FNIP1: variants seen among roughly 807,000 people sequenced by gnomAD.
FNIP1 encodes folliculin interacting protein 1.
Under a neutral mutation model 124.5 loss-of-function variants are expected in FNIP1, and 40 were observed. The observed-to-expected ratio is 0.32, with a 90% confidence interval of 0.25 to 0.42. The LOEUF is 0.42. Among genes scored for constraint, FNIP1 ranks in the 10% least tolerant of loss-of-function variants. The pLI, the probability that FNIP1 is intolerant of heterozygous loss-of-function variation, is 1.00. For missense variants in FNIP1, 1,176 were observed against 1,403.7 expected (o/e 0.84, Z 2.59); for synonymous variants, 472 against 470.6 (o/e 1.00, Z -0.04).
intron 1 of FNIP1, among the ~76,000 whole-genome samples, chr5:131,783,575 T>C (rs941091662): frequency 1.3e-5 from 2 of 152,078 alleles, no homozygotes; most frequent in Non-Finnish European, 2.9e-5. Context: ...AGAACTAAAA[T>C]GTCTCCAGAT....
In FNIP1 at chr5:131,672,255, T is replaced by C. The variant is rs185558164; in HGVS notation, c.2189A>G (p.Glu730Gly). Residue 730 changes from glutamate to glycine, a missense_variant, in exon 14 of 18, where the codon GAA becomes GGA. By Grantham distance (98) the Glu-to-Gly change is moderately conservative. Transcript: ENST00000510461. ...CACAATCTTATCTGGAGGTTTTTTTTCCACAACCATTCCTGTGGATCTCAT... is the reference window on the plus strand; with the variant it reads ...CACAATCTTATCTGGAGGTTTTTTTCCCACAACCATTCCTGTGGATCTCAT... ...KAMRSTGMVVEKKPPDKIVPA... is the reference protein window; with the variant it reads ...KAMRSTGMVVGKKPPDKIVPA... 99 of 1,614,196 alleles carry C rather than the reference T, an allele frequency of 6.1e-5. No homozygotes were observed. The East Asian group carries it at 1.2e-3, about 20-fold the overall frequency.
intron 1 of FNIP1, among the ~76,000 whole-genome samples, chr5:131,776,170 T>C (rs1173851324): frequency 2.0e-5 from 3 of 152,334 alleles, no homozygotes; most frequent in South Asian, 4.1e-4. Context: ...ACTGCAACCA[T>C]AGCAAAACTG....
At chr5:131,678,845 C>T (rs1767987929) in intron 12 of FNIP1, among the ~76,000 whole-genome samples, 184 bp downstream of exon 12, 1 of 152,160 alleles carries the variant, frequency 6.6e-6, no homozygotes, top group East Asian at 1.9e-4. Context: ...ATTTTCACTG[C>T]TTTTCATTCA....
chr5:131,754,313 T>C (rs1770974440), intron 1 of FNIP1, among the ~76,000 whole-genome samples: 1 of 152,260 alleles, frequency 6.6e-6, no homozygotes, highest in Non-Finnish European at 1.5e-5. Flanking sequence ...ATACATGCTA[T>C]GACTGAGGCA....
intron 11 of FNIP1, among the ~76,000 whole-genome samples, chr5:131,696,502 G>A (rs1768696004): frequency 6.6e-6 from 1 of 151,976 alleles, no homozygotes; most frequent in South Asian, 2.1e-4. Flanking sequence ...AAATGAAAAA[G>A]CTTTAGAGAT....
rs6891006 is a variant in FNIP1 at position 131,779,655 on chromosome 5, T to C, written c.92+17175A>G. Among the ~76,000 whole-genome samples, 776 of 143,922 alleles carry C rather than the reference T, an allele frequency of 5.4e-3. 4 individuals carry two copies. The highest frequency in any genetic ancestry group is 0.019 in the African/African-American group (712 of 38,452). The allele number at this position is 143,922 out of a possible 152,430, so 94.4% of individuals were successfully genotyped here. ...GTGAGCCGATATCGCACCACTGCAC[T>C]CCAGCCTGGGCAACAGAGTGAGATT... On this transcript the variant is annotated intron_variant, in intron 1 of 17. Coordinates refer to ENST00000510461, the MANE Select transcript of FNIP1 (RefSeq NM_133372.3).
At chr5:131,668,647 T>C (rs1042591757) in intron 15 of FNIP1, among the ~76,000 whole-genome samples, 3 of 152,176 alleles carry the variant, frequency 2.0e-5, no homozygotes, top group African/African-American at 7.2e-5. Context: ...ATGGCACCAC[T>C]GTACTCCAGC....
chr5:131,713,732 A>G lies in FNIP1; in HGVS notation c.622+2833T>C, dbSNP rs183312223. Among the ~76,000 whole-genome samples the G allele has an allele frequency of 1.2e-4, 18 of 152,338 alleles. No homozygotes were observed. In the East Asian group the frequency reaches 1.5e-3, roughly 13 times the overall value. ...GCAATTAAACAGCCAGCAAAGTGCCAAACTTGATTCTTCCTTTTGCCTCAC... is the reference window on the plus strand; with the variant it reads ...GCAATTAAACAGCCAGCAAAGTGCCGAACTTGATTCTTCCTTTTGCCTCAC... On this transcript the variant is annotated intron_variant, in intron 6 of 17. Coordinates refer to ENST00000510461, the MANE Select transcript of FNIP1 (RefSeq NM_133372.3).
chr5:131,669,486 G>A (rs1167533741), intron 15 of FNIP1, among the ~76,000 whole-genome samples: 2 of 152,122 alleles, frequency 1.3e-5, no homozygotes, highest in East Asian at 3.9e-4. Context: ...TGACAGAGTG[G>A]GAATTGCTTC....
At chr5:131,682,760 T>C (rs891782769) in intron 11 of FNIP1, among the ~76,000 whole-genome samples, 1 of 152,124 alleles carries the variant, frequency 6.6e-6, no homozygotes, top group Non-Finnish European at 1.5e-5. Flanking sequence ...CTAGAAATCA[T>C]TTCTTTCTTC....
chr5:131,647,004 A>C, intron 17 of FNIP1, 86 bp downstream of exon 17: 1 of 1,176,860 alleles, frequency 8.5e-7, no homozygotes, highest in Admixed American at 1.8e-5. Context: ...AAGACACGTA[A>C]AAGGAAAAAG....
intron 15 of FNIP1, among the ~76,000 whole-genome samples, chr5:131,667,061 C>T (rs577908846): frequency 2.6e-5 from 4 of 152,278 alleles, no homozygotes; most frequent in East Asian, 1.9e-4. Context: ...AAACTAGAAA[C>T]GGTTCCTTTA....
intron 10 of FNIP1, among the ~76,000 whole-genome samples, chr5:131,701,744 C>A (rs1416489399): frequency 6.6e-6 from 1 of 152,192 alleles, no homozygotes; most frequent in Non-Finnish European, 1.5e-5. Flanking sequence ...CCAGTCTCTT[C>A]AAAACGCACT....
At chr5:131,706,737 T>A (rs559809044) in intron 8 of FNIP1, among the ~76,000 whole-genome samples, 191 bp from the exon 9 acceptor site, 1 of 152,358 alleles carries the variant, frequency 6.6e-6, no homozygotes, top group Admixed American at 6.5e-5. Context: ...ATTAACAATG[T>A]ATCAGCAAAA....
At chr5:131,720,081 A>G in intron 3 of FNIP1, among the ~76,000 whole-genome samples, 1 of 152,192 alleles carries the variant, frequency 6.6e-6, no homozygotes, top group East Asian at 1.9e-4. Flanking sequence ...TGGGCATTAC[A>G]CTTCCTGATT....
In FNIP1 at chr5:131,650,619, G is replaced by A. The variant is rs568890512; in HGVS notation, c.3306+1183C>T. Among the ~76,000 whole-genome samples the A allele has an allele frequency of 2.7e-4, 41 of 152,058 alleles. No homozygotes were observed. The South Asian group carries it at 8.3e-3, about 31-fold the overall frequency. ...TCTTGAAGTCTTTTGTATTTTTCTT[G>A]CCTGATTGCTCTGGCTAAAACTCTC... On this transcript the variant is annotated intron_variant, in intron 16 of 17. Coordinates refer to ENST00000510461, the MANE Select transcript of FNIP1 (RefSeq NM_133372.3).
intron 16 of FNIP1, 24 bp downstream of exon 16, chr5:131,651,778 G>T: frequency 1.2e-6 from 2 of 1,606,402 alleles, no homozygotes; most frequent in Non-Finnish European, 1.7e-6. Flanking sequence ...TTAAAGTAAT[G>T]CAAGCAGTGT....
intron 1 of FNIP1, among the ~76,000 whole-genome samples, chr5:131,779,907 A>G (rs990955783): frequency 3.9e-5 from 6 of 151,988 alleles, no homozygotes; most frequent in African/African-American, 1.2e-4. Flanking sequence ...TTTTTTTAAT[A>G]AAAAGCTTTA....
chr5:131,783,453 C>CA (rs568684656), intron 1 of FNIP1, among the ~76,000 whole-genome samples: 2,053 of 132,534 alleles, frequency 0.015, 35 homozygotes, highest in African/African-American at 0.047. Context: ...CAAAACAGAC[C>CA]AAAAAAAAAA....
Sources: gnomAD v4.1 joint callset for allele counts (sites outside exome capture counted in the v4.1 genomes callset) on GRCh38, gnomAD v4.1.1 for gene constraint, MANE v1.5 for transcripts, NCBI Gene and HGNC (gene_info 2026-07-23, HGNC 2026-07-21) for gene names.